Variants in CHFR observed in about 807,000 individuals in gnomAD.
CHFR encodes the protein E3 ubiquitin-protein ligase CHFR.
A neutral mutation model predicts 87.6 loss-of-function variants in CHFR; 57 were observed. The observed-to-expected ratio is 0.65, with a 90% CI of 0.53 to 0.81. The LOEUF is 0.81. Among genes scored for constraint, CHFR ranks in the 30% least tolerant of loss-of-function variants. The pLI is 0.00. For synonymous variants in CHFR, 381 were observed against 359.2 expected (o/e 1.06, Z -0.69); for missense variants, 797 against 865.8 (o/e 0.92, Z 1.00).
At position 132,879,562 on chromosome 12, in the gene CHFR, T is replaced by C. The variant is rs536424127; in HGVS notation, c.134-1908A>G. Among the ~76,000 whole-genome samples the C allele has an allele frequency of 1.4e-4, 21 of 152,026 alleles. 1 individual carries two copies. The highest frequency in any genetic ancestry group is 2.6e-4 in the Non-Finnish European group (18 of 68,000). ...CACACCACCAGGGCCAGTTAATTTTTGTATTTTTAGTAGAGATGAGGTTTC... is the reference window on the plus strand; with the variant it reads ...CACACCACCAGGGCCAGTTAATTTTCGTATTTTTAGTAGAGATGAGGTTTC... On this transcript the variant is annotated intron_variant, in intron 2 of 17. Transcript: ENST00000450056.
intron 10 of CHFR, chr12:132,854,868 G>C (rs1354002728): frequency 6.6e-6 from 1 of 152,120 alleles, no homozygotes; most frequent in African/African-American, 2.4e-5. Flanking sequence ...ACTTTGGGAG[G>C]CCGAGGCGGG....
Position 132,838,336 on chromosome 12 carries a change from A to G in CHFR, c.*3218T>C. On this transcript the variant is annotated 3_prime_UTR_variant, in exon 18 of 18. Transcript: ENST00000450056. ...TGGCCTGAATCCCTCAGTCTGTTTT[A>G]AGCCAATCTGCCCAGACTTCCTGGC... is the stretch of plus-strand genomic sequence containing the variant. 6.6e-6 allele frequency: 1 copy of G among 152,480 alleles called. No homozygotes were observed. 9.4% of individuals were successfully genotyped at this position (152,480 alleles called of 1,614,324 possible).
intron 14 of CHFR, 168 bp from the exon 15 acceptor site, chr12:132,847,298 G>A (rs2306538): frequency 0.19 from 258,456 of 1,371,832 alleles, 25,432 homozygotes; most frequent in African/African-American, 0.27. Context: ...CCTGCAGCAC[G>A]AGAAGTCTTG....
intron 15 of CHFR, among the ~76,000 whole-genome samples, chr12:132,846,838 C>T (rs1364931583): frequency 6.6e-6 from 1 of 152,162 alleles, no homozygotes; most frequent in African/African-American, 2.4e-5. Flanking sequence ...TGAGATCATG[C>T]CACTGCACTC....
chr12:132,850,985 ATATATATATATATGTTT>A (rs942938662), intron 12 of CHFR, among the ~76,000 whole-genome samples: 2 of 124,906 alleles, frequency 1.6e-5, no homozygotes, highest in Admixed American at 1.7e-4. Context: ...ATATATATAT[ATATATATATATATGTTT>A]TGTTTTGAGA....
chr12:132,864,647 C>G (rs1951293373), intron 6 of CHFR, among the ~76,000 whole-genome samples: 1 of 152,146 alleles, frequency 6.6e-6, no homozygotes, highest in African/African-American at 2.4e-5. Context: ...CGCAACCACA[C>G]TTGGCTAATT....
rs1531822 is a variant in CHFR at position 132,838,535 on chromosome 12, A to G, written c.*3019T>C. ...CCAGGGAGCACAGAGGGAGCCGCAG[A>G]TGAGGAGTGCGTGGGGAGACGGTCT... is the stretch of plus-strand genomic sequence containing the variant. On this transcript the variant is annotated 3_prime_UTR_variant, in exon 18 of 18. Transcript: ENST00000450056. The G allele has an allele frequency of 0.2, 30,034 of 152,528 alleles. 3,126 individuals are homozygous for G. Among genetic ancestry groups the G allele is most frequent in the Middle Eastern group, 0.24 (71 of 296 alleles). The allele number at this position is 152,528 out of a possible 1,614,324, so 9.4% of individuals were successfully genotyped here. A position where few individuals can be genotyped will look rare whatever the true frequency, so the allele number is the denominator to read the frequency against.
At position 132,837,911 on chromosome 12, in the gene CHFR, C is replaced by A. The variant is rs939675599; in HGVS notation, c.*3643G>T. On this transcript the variant is annotated 3_prime_UTR_variant, in exon 18 of 18. Coordinates refer to ENST00000450056, the MANE Select transcript of CHFR (RefSeq NM_001161346.2). ...TCCCCATCAAGCCAGGCTGGAGGGA[C>A]GATCTACTTTCCTAAATCCCCTCCG... The A allele has an allele frequency of 6.6e-6, 1 of 152,342 alleles. No homozygotes were observed. Among genetic ancestry groups the A allele is most frequent in the Non-Finnish European group, 1.5e-5 (1 of 68,120 alleles). The allele number at this position is 152,342 out of a possible 1,614,324, so 9.4% of individuals were successfully genotyped here.
At chr12:132,843,987 A>C in intron 16 of CHFR, 40 bp downstream of exon 16, 1 of 1,343,578 alleles carries the variant, frequency 7.4e-7, no homozygotes, top group Non-Finnish European at 1.1e-6. Flanking sequence ...AAGCCAACCC[A>C]GACAGAACTA....
At position 132,869,740 on chromosome 12, in the gene CHFR, G is replaced by A. The variant is rs1422710949; in HGVS notation, c.462C>T (p.Pro154=). 12 of 1,551,378 alleles carry A rather than the reference G, an allele frequency of 7.7e-6. No homozygotes were observed. Among genetic ancestry groups the A allele is most frequent in the Non-Finnish European group, 1.0e-5 (12 of 1,146,980 alleles). ...GADPRVPPSS[P]ATQVCFEEPQ... ...GTTCCTCAAAGCACACCTGAGTGGC[G>A]GGCGACGACGGAGGGACCCGGGGAT... The change falls in exon 6 of 18, where the codon CCC becomes CCT. Residue 154 remains proline, a synonymous_variant. Transcript: ENST00000450056.
intron 2 of CHFR, among the ~76,000 whole-genome samples, chr12:132,884,157 G>A (rs1593542227): frequency 1.3e-5 from 2 of 151,152 alleles, no homozygotes; most frequent in South Asian, 4.2e-4. Context: ...AGTGGCTCAC[G>A]CCTGTAATCC....
chr12:132,866,700 C>T (rs1160424457), intron 6 of CHFR: 1 of 152,104 alleles, frequency 6.6e-6, no homozygotes, highest in Admixed American at 6.5e-5. Flanking sequence ...TACAACACAC[C>T]AGAATGTTAC....
intron 3 of CHFR, among the ~76,000 whole-genome samples, chr12:132,874,167 A>AT (rs2137033208): frequency 6.6e-6 from 1 of 152,376 alleles, no homozygotes; most frequent in African/African-American, 2.4e-5. Flanking sequence ...CTGGACCTCC[A>AT]TAACTATAGT....
At chr12:132,858,915 C>A (rs1487613534) in intron 8 of CHFR, among the ~76,000 whole-genome samples, 153 bp downstream of exon 8, 1 of 151,778 alleles carries the variant, frequency 6.6e-6, no homozygotes, top group African/African-American at 2.4e-5. Flanking sequence ...CCCACTCCAC[C>A]CACTCCACCC....
intron 15 of CHFR, among the ~76,000 whole-genome samples, chr12:132,846,414 C>T (rs77350630): frequency 0.47 from 71,091 of 151,554 alleles, 18,172 homozygotes; most frequent in Non-Finnish European, 0.6. Context: ...AGGCGCCCGC[C>T]ACCACGCCCG....
At position 132,887,367 on chromosome 12, in the gene CHFR, G is replaced by A. The variant is rs970343111; in HGVS notation, c.-12-27C>T. 1.6e-5 allele frequency: 21 copies of A among 1,340,020 alleles called. No homozygotes were observed. In the African/African-American group the frequency reaches 2.9e-4, roughly 19 times the overall value. The allele number at this position is 1,340,020 out of a possible 1,614,324, so 83.0% of individuals were successfully genotyped here. ...TGCGGAGACCCCGGAAACGCCCATG[G>A]AGACTCCCGACCCCAGAGGCCGAGA... On this transcript the variant is annotated intron_variant, in intron 1 of 17. Transcript: ENST00000450056.
At chr12:132,861,787 A>G (rs754603143) in intron 6 of CHFR, 153 bp from the exon 7 acceptor site, 13 of 642,074 alleles carry the variant, frequency 2.0e-5, no homozygotes, top group Non-Finnish European at 2.9e-5. Context: ...GTGTGTGCTC[A>G]CTCAACTCAC....
chr12:132,871,194 G>A (rs575487349), intron 4 of CHFR, among the ~76,000 whole-genome samples: 34 of 152,354 alleles, frequency 2.2e-4, no homozygotes, highest in Non-Finnish European at 4.1e-4. Flanking sequence ...GCTCTTGCCT[G>A]TAATCCCAGC....
chr12:132,877,520 G>T, intron 3 of CHFR, 35 bp downstream of exon 3: 1 of 1,451,372 alleles, frequency 6.9e-7, no homozygotes, highest in East Asian at 2.3e-5. Flanking sequence ...TAAGCTACAA[G>T]AAGAAACACC....
Sources: allele counts gnomAD v4.1 joint callset (sites outside exome capture counted in the v4.1 genomes callset), GRCh38; gene constraint gnomAD v4.1.1; transcripts MANE v1.5; gene names NCBI Gene and HGNC (gene_info 2026-07-23, HGNC 2026-07-21).